MYO18B: variants seen among roughly 807,000 people sequenced by gnomAD.
The protein encoded by MYO18B is myosin XVIIIB.
MYO18B carries 204 observed loss-of-function variants against 273.0 expected under a neutral mutation model. That is an observed-to-expected ratio of 0.75 (90% CI 0.67 to 0.84). The LOEUF (loss-of-function observed/expected upper bound fraction) is 0.84. MYO18B is among the 40% of genes least tolerant of loss of function. The probability of loss-of-function intolerance (pLI) is 0.00; values close to 1 mark genes in which losing one functional copy is unlikely to be tolerated. For missense variants in MYO18B, 3,212 were observed against 3,287.6 expected (o/e 0.98, Z 0.56); for synonymous variants, 1,330 against 1,305.7 (o/e 1.02, Z -0.40).
intron 33 of MYO18B, among the ~76,000 whole-genome samples, chr22:25,918,596 G>T (rs2092296315): frequency 6.6e-6 from 1 of 152,208 alleles, no homozygotes; most frequent in African/African-American, 2.4e-5. Context: ...TCTGTTTGCA[G>T]TGCTTCCTCT....
intron 31 of MYO18B, among the ~76,000 whole-genome samples, chr22:25,905,226 G>A (rs2146356457): frequency 1.3e-5 from 2 of 152,304 alleles, no homozygotes; most frequent in Non-Finnish European, 2.9e-5. Flanking sequence ...GCTCCAACAA[G>A]ATGGAGCCTG....
intron 11 of MYO18B, among the ~76,000 whole-genome samples, chr22:25,793,252 T>A (rs952560209): frequency 3.9e-5 from 6 of 152,196 alleles, no homozygotes; most frequent in Admixed American, 3.9e-4. Flanking sequence ...GTATTTTGTT[T>A]GAGACAGGGT....
intron 1 of MYO18B, among the ~76,000 whole-genome samples, chr22:25,759,757 A>G (rs2086242847): frequency 6.6e-6 from 1 of 152,218 alleles, no homozygotes; most frequent in South Asian, 2.1e-4. Flanking sequence ...GCAAGTAAAA[A>G]CAATGCTTGC....
chr22:25,752,787 C>T (rs559321175), intron 1 of MYO18B, among the ~76,000 whole-genome samples: 32 of 152,350 alleles, frequency 2.1e-4, no homozygotes, highest in Non-Finnish European at 4.1e-4. Flanking sequence ...TCTAGGCTGG[C>T]CGAGGCCGGA....
rs1051337855 is a variant in MYO18B at position 25,883,451 on chromosome 22, A to G, written c.4314+5403A>G. Reference sequence around the variant, plus strand: ...ACTCCAGCCTTAGAGATTCTGAATCAGTAGGCTTGGCGTGGCCTTGGGGAG... The same window carrying G: ...ACTCCAGCCTTAGAGATTCTGAATCGGTAGGCTTGGCGTGGCCTTGGGGAG... On this transcript the variant is annotated intron_variant, in intron 25 of 43. Coordinates refer to ENST00000335473, the MANE Select transcript of MYO18B (RefSeq NM_032608.7). This position sits in a 1 kb window ranked among gnomAD's most constrained non-coding sequence, Gnocchi z 7.6. 2 of 152,262 alleles carry G rather than the reference A, an allele frequency of 1.3e-5. No individual in the cohort carries two copies. The highest frequency in any genetic ancestry group is 2.9e-5 in the Non-Finnish European group (2 of 68,056). The allele number at this position is 152,262 out of a possible 1,614,324, so 9.4% of individuals were successfully genotyped here. A position where few individuals can be genotyped will look rare whatever the true frequency, so the allele number is the denominator to read the frequency against.
chr22:25,809,372 C>T (rs995963936), intron 12 of MYO18B, among the ~76,000 whole-genome samples: 3 of 152,142 alleles, frequency 2.0e-5, no homozygotes, highest in Admixed American at 1.3e-4. Context: ...CAGTAATGTT[C>T]GGAACTCAAA....
At chr22:25,999,007 C>A (rs1718160555) in intron 40 of MYO18B, among the ~76,000 whole-genome samples, 1 of 152,144 alleles carries the variant, frequency 6.6e-6, no homozygotes, top group African/African-American at 2.4e-5. Context: ...ATAATTGTAA[C>A]AATAGGTACC....
intron 21 of MYO18B, among the ~76,000 whole-genome samples, chr22:25,853,816 A>C (rs991913708): frequency 2.6e-5 from 4 of 152,096 alleles, no homozygotes; most frequent in African/African-American, 9.7e-5. Flanking sequence ...CTTGGTTGGG[A>C]ATTTTTGCTT....
chr22:26,017,208 T>C (rs1935426836), intron 42 of MYO18B, among the ~76,000 whole-genome samples: 1 of 151,682 alleles, frequency 6.6e-6, no homozygotes, highest in Admixed American at 6.6e-5. Context: ...TCCTTCTTTT[T>C]TTAAATTTGT....
At position 25,846,965 on chromosome 22, in the gene MYO18B, C is replaced by T. The variant is rs978621330; in HGVS notation, c.3553-465C>T. Among the ~76,000 whole-genome samples, 37 of 151,740 alleles carry T rather than the reference C, an allele frequency of 2.4e-4. 1 individual carries two copies. The highest frequency in any genetic ancestry group is 8.4e-4 in the South Asian group (4 of 4,776). ...GCGTGGTGATGCATGTCTGTAGTCC[C>T]GCTACTTGGGAGGCTGAGGCAGGAG... is the stretch of plus-strand genomic sequence containing the variant. On this transcript the variant is annotated intron_variant, in intron 19 of 43. Coordinates refer to ENST00000335473, the MANE Select transcript of MYO18B (RefSeq NM_032608.7).
chr22:25,798,671 C>T (rs146806961), intron 12 of MYO18B, among the ~76,000 whole-genome samples: 3,127 of 152,170 alleles, frequency 0.021, 81 homozygotes, highest in East Asian at 0.11. Context: ...GCAATCCTCC[C>T]GCCTCAGCCT....
At chr22:25,836,441 T>G (rs1438674856) in intron 17 of MYO18B, among the ~76,000 whole-genome samples, 1 of 152,108 alleles carries the variant, frequency 6.6e-6, no homozygotes, top group East Asian at 1.9e-4. Flanking sequence ...ATTCTGGGGT[T>G]GGGGAGTGTT....
rs1454379436 is a variant in MYO18B at position 25,768,717 on chromosome 22, G to A, written c.801G>A (p.Arg267=). 6.3e-7 allele frequency: 1 copy of A among 1,586,792 alleles called. No homozygotes were observed. Among genetic ancestry groups the A allele is most frequent in the Non-Finnish European group, 8.6e-7 (1 of 1,167,164 alleles). Residue 267 remains arginine (R), a synonymous_variant, in exon 4 of 44, where the codon AGG becomes AGA. Coordinates refer to ENST00000335473, the MANE Select transcript of MYO18B (RefSeq NM_032608.7). ...AGGGCAAAGACAGGCAGGGGACCAG[G>A]CCCCAAGCCCAAGGGCCCGGCGAGG... ...EPQGKDRQGT[R]PQAQGPGEGV...
Position 25,874,184 on chromosome 22 carries a change from G to A in MYO18B, c.3952-102G>A, listed in dbSNP as rs2091125730. The A allele has an allele frequency of 2.9e-6, 4 of 1,398,706 alleles. No homozygotes were observed. The South Asian group carries it at 3.9e-5, about 14-fold the overall frequency. The allele number at this position is 1,398,706 out of a possible 1,614,324, so 86.6% of individuals were successfully genotyped here. ...TAAAGGGCAACTGCCAACAAATATT[G>A]CAGGTGGGTGCAAGAGAAGTGGGGT... On this transcript the variant is annotated intron_variant, in intron 22 of 43. Transcript: ENST00000335473.
intron 11 of MYO18B, among the ~76,000 whole-genome samples, chr22:25,792,241 G>A (rs938233576): frequency 3.3e-5 from 5 of 152,130 alleles, no homozygotes; most frequent in Admixed American, 6.5e-5. Flanking sequence ...CTCCTCTGTT[G>A]GTTGGAGAGA....
intron 40 of MYO18B, among the ~76,000 whole-genome samples, chr22:25,999,626 C>G (rs1021668230): frequency 1.5e-4 from 19 of 128,704 alleles, no homozygotes; most frequent in Non-Finnish European, 8.3e-5. Context: ...TCTTCCTCCT[C>G]CTCCTCCTCC....
downstream of MYO18B, among the ~76,000 whole-genome samples, chr22:26,035,460 TG>T (rs1247177802): frequency 1.3e-5 from 2 of 152,162 alleles, no homozygotes; most frequent in Non-Finnish European, 2.9e-5. Flanking sequence ...CTGGCAGTGG[TG>T]ATGCAGAAGA....
At chr22:25,862,777 TG>T (rs2090773800) in intron 21 of MYO18B, among the ~76,000 whole-genome samples, 1 of 151,606 alleles carries the variant, frequency 6.6e-6, no homozygotes, top group Non-Finnish European at 1.5e-5. Context: ...TAATAAATCT[TG>T]GGGTGGCTTC....
intron 1 of MYO18B, among the ~76,000 whole-genome samples, chr22:25,743,439 A>C (rs2085686797): frequency 6.6e-6 from 1 of 152,090 alleles, no homozygotes; most frequent in African/African-American, 2.4e-5. Flanking sequence ...GATGAGTTCT[A>C]GAAAATAATA....
Sources: allele counts gnomAD v4.1 joint callset (sites outside exome capture counted in the v4.1 genomes callset), GRCh38; gene constraint gnomAD v4.1.1; non-coding constraint Gnocchi (gnomAD v3.1); transcripts MANE v1.5; gene names NCBI Gene and HGNC (gene_info 2026-07-23, HGNC 2026-07-21).